IGF1R: variants seen among roughly 807,000 people sequenced by gnomAD.
The protein encoded by IGF1R is insulin-like growth factor 1 receptor.
Under a neutral mutation model 144.6 loss-of-function variants are expected in IGF1R, and 44 were observed. That is an observed-to-expected ratio of 0.30 (90% CI 0.24 to 0.39). The LOEUF (loss-of-function observed/expected upper bound fraction) is 0.39, where lower values mean the gene tolerates loss of function less well. Ranked by LOEUF, IGF1R falls within the 10% of genes least tolerant of loss-of-function variation. IGF1R has a pLI of 1.00. For synonymous variants in IGF1R, 795 were observed against 722.8 expected, an observed-to-expected ratio of 1.10 and a Z score of -1.60; for missense variants, 1,355 against 1,833.7, an observed-to-expected ratio of 0.74 and a Z score of 4.77.
At chr15:98,893,723 C>G (rs1432699595) in intron 3 of IGF1R, among the ~76,000 whole-genome samples, 1 of 152,214 alleles carries the variant, frequency 6.6e-6, no homozygotes, top group Non-Finnish European at 1.5e-5. Context: ...AGTGGGAATG[C>G]TGTCCATTTG....
intron 10 of IGF1R, among the ~76,000 whole-genome samples, chr15:98,920,029 A>G (rs1328381999): frequency 6.6e-6 from 1 of 152,256 alleles, no homozygotes; most frequent in Admixed American, 6.5e-5. Flanking sequence ...TCTGAAGTCA[A>G]TATTCGCAGT....
At chr15:98,917,979 A>G (rs2015322807) in intron 10 of IGF1R, among the ~76,000 whole-genome samples, 1 of 152,226 alleles carries the variant, frequency 6.6e-6, no homozygotes, top group African/African-American at 2.4e-5. Flanking sequence ...AAAATGATTA[A>G]AATGGCAACT....
At chr15:98,768,522 G>A (rs1473199910) in intron 2 of IGF1R, among the ~76,000 whole-genome samples, 1 of 151,330 alleles carries the variant, frequency 6.6e-6, no homozygotes, top group Non-Finnish European at 1.5e-5. Context: ...GGCTGAGGCA[G>A]GAGAATCACT....
At chr15:98,954,153 G>C (rs1347384562) in intron 20 of IGF1R, 2 of 152,290 alleles carry the variant, frequency 1.3e-5, no homozygotes, top group Non-Finnish European at 2.9e-5. Flanking sequence ...AGCCTGTCCA[G>C]TTCAGGACAT....
intron 2 of IGF1R, among the ~76,000 whole-genome samples, chr15:98,736,428 T>C (rs1356678184): frequency 6.6e-6 from 1 of 151,814 alleles, no homozygotes; most frequent in Non-Finnish European, 1.5e-5. Context: ...TGGATAAGGC[T>C]TTCTTCTCTT....
chr15:98,961,771 G>A lies in IGF1R; in HGVS notation c.*4329G>A, dbSNP rs528814787. The A allele has an allele frequency of 5.2e-4, 122 of 233,510 alleles. 4 individuals carry two copies. In the South Asian group the frequency reaches 0.019, roughly 36 times the overall value. The allele number at this position is 233,510 out of a possible 1,614,324, so 14.5% of individuals were successfully genotyped here. On this transcript the variant is annotated 3_prime_UTR_variant, in exon 21 of 21. Coordinates refer to ENST00000650285, the MANE Select transcript of IGF1R (RefSeq NM_000875.5). ...ACCCAGACCACCCCAGGTCTCCTTC[G>A]TGGGATGTCATGACGTTTGACATAC... is the stretch of plus-strand genomic sequence containing the variant.
At chr15:98,767,199 A>G (rs998759035) in intron 2 of IGF1R, among the ~76,000 whole-genome samples, 2 of 151,926 alleles carry the variant, frequency 1.3e-5, no homozygotes, top group Admixed American at 6.6e-5. Flanking sequence ...TTTTCATGTA[A>G]TCTCTCAGTA....
At chr15:98,746,785 C>A (rs2054877410) in intron 2 of IGF1R, among the ~76,000 whole-genome samples, 1 of 152,092 alleles carries the variant, frequency 6.6e-6, no homozygotes, top group Non-Finnish European at 1.5e-5. Flanking sequence ...AGAGTTGAGG[C>A]CCCCAGGTGC....
chr15:98,916,375 C>G lies in IGF1R; in HGVS notation c.1996+244C>G, dbSNP rs139103356. The G allele has an allele frequency of 2.2e-3, 1,207 of 550,698 alleles. 14 individuals carry two copies. The highest frequency in any genetic ancestry group is 0.019 in the African/African-American group (994 of 52,258). 34.1% of individuals were successfully genotyped at this position (550,698 alleles called of 1,614,324 possible). ...CTCCCAGGTTCAAGCATTTCTCATT[C>G]CCCAGCATTCCGAGTAGCTGGGATT... On this transcript the variant is annotated intron_variant, in intron 9 of 20. Coordinates refer to ENST00000650285, the MANE Select transcript of IGF1R (RefSeq NM_000875.5).
At chr15:98,889,749 A>G (rs907106988) in intron 2 of IGF1R, among the ~76,000 whole-genome samples, 1 of 152,116 alleles carries the variant, frequency 6.6e-6, no homozygotes, top group Non-Finnish European at 1.5e-5. Flanking sequence ...CTTGTTCTCT[A>G]TATTCTCTTT....
intron 2 of IGF1R, among the ~76,000 whole-genome samples, chr15:98,867,107 A>G (rs188981583): frequency 4.0e-5 from 6 of 151,112 alleles, no homozygotes; most frequent in Admixed American, 4.0e-4. Context: ...AATCTAACGG[A>G]GGGATTGTAG....
In IGF1R at chr15:98,790,310, G is replaced by T. The variant is rs142383157; in HGVS notation, c.640+82203G>T. On this transcript the variant is annotated intron_variant, in intron 2 of 20. Transcript: ENST00000650285. ...CACTCTTTTTATTTAAAAGAAACAT[G>T]TGAAAGAGCCATCAGGGATAGTTTT... Among the ~76,000 whole-genome samples, 205 of 152,300 alleles carry T rather than the reference G, an allele frequency of 1.3e-3. No individual in the cohort carries two copies. The East Asian group carries it at 0.019, about 14-fold the overall frequency.
intron 5 of IGF1R, among the ~76,000 whole-genome samples, chr15:98,901,741 C>T (rs1006815994): frequency 6.6e-6 from 1 of 152,200 alleles, no homozygotes; most frequent in African/African-American, 2.4e-5. Context: ...GAAGATCAGA[C>T]AGGCTTCTGA....
intron 1 of IGF1R, among the ~76,000 whole-genome samples, chr15:98,669,099 G>A (rs1467894297): frequency 1.3e-5 from 2 of 152,184 alleles, no homozygotes; most frequent in Non-Finnish European, 2.9e-5. Flanking sequence ...TGTAAAATCA[G>A]TATCGATCAA....
chr15:98,662,499 T>C (rs929880607), intron 1 of IGF1R, among the ~76,000 whole-genome samples: 11 of 152,104 alleles, frequency 7.2e-5, no homozygotes, highest in African/African-American at 2.7e-4. Context: ...TGGAACCCTG[T>C]TTCTGATATC....
At chr15:98,931,594 T>C (rs2015943418) in intron 15 of IGF1R, among the ~76,000 whole-genome samples, 1 of 152,114 alleles carries the variant, frequency 6.6e-6, no homozygotes, top group South Asian at 2.1e-4. Context: ...AATATATATA[T>C]ACATACTTCT....
chr15:98,908,582 A>G (rs553327860), intron 5 of IGF1R, 103 bp from the exon 6 acceptor site: 80 of 776,460 alleles, frequency 1.0e-4, no homozygotes, highest in Admixed American at 7.5e-4. Flanking sequence ...AAGGAAATGT[A>G]TTGTGGAGCA....
Position 98,825,544 on chromosome 15 carries a change from G to T in IGF1R, c.641-65781G>T, listed in dbSNP as rs568823156. Among the ~76,000 whole-genome samples, 3 of 152,278 alleles carry T rather than the reference G, an allele frequency of 2.0e-5. No individual in the cohort carries two copies. In the South Asian group the frequency reaches 6.2e-4, roughly 32 times the overall value. ...AGGTCCTAGATTCTCATAGGAGTGA[G>T]AACCCTATTGTGAACTGAACATGCA... On this transcript the variant is annotated intron_variant, in intron 2 of 20. Coordinates refer to ENST00000650285, the MANE Select transcript of IGF1R (RefSeq NM_000875.5).
chr15:98,859,335 C>T (rs1331584460), intron 2 of IGF1R, among the ~76,000 whole-genome samples: 1 of 152,196 alleles, frequency 6.6e-6, no homozygotes, highest in East Asian at 1.9e-4. Context: ...AATTGTCTAC[C>T]TCACACACTT....
Sources: allele counts gnomAD v4.1 joint callset (sites outside exome capture counted in the v4.1 genomes callset), GRCh38; gene constraint gnomAD v4.1.1; transcripts MANE v1.5; gene names NCBI Gene and HGNC (gene_info 2026-07-23, HGNC 2026-07-21).